CDH18: variants seen among roughly 807,000 people sequenced by gnomAD.
The protein encoded by CDH18 is cadherin-18.
In CDH18, 31 loss-of-function variants were observed where a neutral mutation model predicts 67.9. The ratio of observed to expected loss-of-function variants is 0.46; its 90% CI spans 0.34 to 0.62. The LOEUF (loss-of-function observed/expected upper bound fraction) is 0.62, where lower values mean the gene tolerates loss of function less well. Among genes scored for constraint, CDH18 ranks in the 20% least tolerant of loss-of-function variants. CDH18 has a pLI of 0.01. For missense variants in CDH18, 890 were observed against 975.5 expected, an observed-to-expected ratio of 0.91 and a Z score of 1.17; for synonymous variants, 362 against 347.2, an observed-to-expected ratio of 1.04 and a Z score of -0.48.
intron 2 of CDH18, among the ~76,000 whole-genome samples, chr5:20,100,183 T>C (rs1382810547): frequency 1.3e-5 from 2 of 152,194 alleles, no homozygotes; most frequent in African/African-American, 4.8e-5. Context: ...TATTATTTAG[T>C]ATATCATACA....
intron 1 of CDH18, among the ~76,000 whole-genome samples, chr5:20,553,841 T>A (rs1343510134): frequency 6.6e-6 from 1 of 152,196 alleles, no homozygotes; most frequent in Non-Finnish European, 1.5e-5. Flanking sequence ...ATAGTATCTT[T>A]CTCTAGACCA....
chr5:19,575,307 A>G (rs1014682021), intron 7 of CDH18, among the ~76,000 whole-genome samples: 2 of 152,194 alleles, frequency 1.3e-5, no homozygotes, highest in African/African-American at 4.8e-5. Flanking sequence ...TCATATTCCA[A>G]CATTCACCAT....
chr5:20,573,911 ATATATATAAAAGAAATATATATATATTTC>A lies in CDH18; in HGVS notation c.-580+1522_-580+1550del, dbSNP rs1561144665. On this transcript the variant is annotated intron_variant, in intron 1 of 14. Transcript: ENST00000507958. ...ATAAAAGAAATATATATATGTATTT[ATATATATAAAAGAAATATATATATATTTC>A]TTTTAAGTATTTTATATATATATAC... Among the ~76,000 whole-genome samples the A allele has an allele frequency of 5.5e-3, 243 of 44,474 alleles. 1 individual carries two copies. The highest frequency in any genetic ancestry group is 0.032 in the African/African-American group (234 of 7,338). 29.2% of individuals were successfully genotyped at this position (44,474 alleles called of 152,430 possible).
chr5:20,031,944 T>C (rs1215362210), intron 2 of CDH18, among the ~76,000 whole-genome samples: 2 of 151,938 alleles, frequency 1.3e-5, no homozygotes, highest in Admixed American at 6.6e-5. Flanking sequence ...TCTGTAACAA[T>C]GAACGGTGAC....
At chr5:20,472,455 A>G (rs1474747305) in intron 1 of CDH18, among the ~76,000 whole-genome samples, 2 of 152,184 alleles carry the variant, frequency 1.3e-5, no homozygotes, top group African/African-American at 2.4e-5. Flanking sequence ...CCTGATGTAC[A>G]TAGTGGAGGA....
chr5:20,202,721 T>C (rs1414323873), intron 2 of CDH18, among the ~76,000 whole-genome samples: 2 of 152,102 alleles, frequency 1.3e-5, no homozygotes, highest in African/African-American at 4.8e-5. Context: ...TTACTACTTT[T>C]ATATTTTAGC....
intron 3 of CDH18, among the ~76,000 whole-genome samples, chr5:19,785,682 ATATATAT>A (rs1561296518): frequency 5.5e-3 from 115 of 20,800 alleles, no homozygotes; most frequent in Non-Finnish European, 6.3e-3. Context: ...AAAAAAAAAT[ATATATAT>A]ATATATATAT....
chr5:19,993,853 G>A (rs1398412134), intron 2 of CDH18, among the ~76,000 whole-genome samples: 1 of 152,024 alleles, frequency 6.6e-6, no homozygotes, highest in Non-Finnish European at 1.5e-5. Context: ...TACTGATGAA[G>A]ATATTCGGCT....
At chr5:20,323,401 T>G (rs1738223964) in intron 1 of CDH18, among the ~76,000 whole-genome samples, 1 of 152,184 alleles carries the variant, frequency 6.6e-6, no homozygotes, top group African/African-American at 2.4e-5. Context: ...GCATTTGCCT[T>G]TCAGAGATTA....
chr5:20,162,168 A>T (rs1415310906), intron 2 of CDH18, among the ~76,000 whole-genome samples: 1 of 152,034 alleles, frequency 6.6e-6, no homozygotes, highest in African/African-American at 2.4e-5. Context: ...TTTGTTTTGT[A>T]ATGTCCTCAG....
intron 1 of CDH18, among the ~76,000 whole-genome samples, chr5:20,370,005 T>C (rs1297373887): frequency 6.6e-6 from 1 of 152,148 alleles, no homozygotes; most frequent in East Asian, 1.9e-4. Context: ...TAGCTATTCT[T>C]CCTGATGTTG....
At chr5:19,835,369 G>C (rs901748306) in intron 3 of CDH18, among the ~76,000 whole-genome samples, 2 of 152,108 alleles carry the variant, frequency 1.3e-5, no homozygotes, top group Non-Finnish European at 2.9e-5. Context: ...GGGCCTGTTG[G>C]GGGGTGGGGA....
chr5:20,556,083 T>C (rs183236360), intron 1 of CDH18, among the ~76,000 whole-genome samples: 11 of 152,298 alleles, frequency 7.2e-5, no homozygotes, highest in Admixed American at 7.2e-4. Context: ...TCCTTGTGAT[T>C]TTCTAAATGT....
intron 1 of CDH18, among the ~76,000 whole-genome samples, chr5:20,348,965 A>G (rs1740933961): frequency 6.6e-6 from 1 of 152,180 alleles, no homozygotes; most frequent in Non-Finnish European, 1.5e-5. Flanking sequence ...TATTTTTAAA[A>G]GGTATTTTAT....
chr5:20,429,223 C>A (rs10053137), intron 1 of CDH18, among the ~76,000 whole-genome samples: 33,078 of 151,984 alleles, frequency 0.22, 3,758 homozygotes, highest in East Asian at 0.3. Context: ...GCTACCACTT[C>A]ACAACACTTT....
chr5:20,464,471 T>TTGAG (rs36013135), intron 1 of CDH18, among the ~76,000 whole-genome samples: 118,222 of 151,782 alleles, frequency 0.78, 46,234 homozygotes, highest in Admixed American at 0.86. Flanking sequence ...TTGCCTGTTA[T>TTGAG]TGTTTATCTT....
At chr5:19,629,851 GACA>G (rs1423332484) in intron 5 of CDH18, among the ~76,000 whole-genome samples, 2 of 151,942 alleles carry the variant, frequency 1.3e-5, no homozygotes, top group Non-Finnish European at 2.9e-5. Context: ...TAGAAAAATA[GACA>G]ACATATCACA....
chr5:19,808,277 A>C (rs984476188), intron 3 of CDH18, among the ~76,000 whole-genome samples: 2 of 151,658 alleles, frequency 1.3e-5, no homozygotes, highest in East Asian at 3.9e-4. Flanking sequence ...AATGCCTATA[A>C]TTTTCTTTAC....
At chr5:19,892,059 G>A (rs1788831985) in intron 2 of CDH18, among the ~76,000 whole-genome samples, 1 of 152,078 alleles carries the variant, frequency 6.6e-6, no homozygotes, top group Non-Finnish European at 1.5e-5. Context: ...ATGTGCAATT[G>A]GGTAGGTGTC....
Sources: gnomAD v4.1 joint callset for allele counts (sites outside exome capture counted in the v4.1 genomes callset) on GRCh38, gnomAD v4.1.1 for gene constraint, MANE v1.5 for transcripts, NCBI Gene and HGNC (gene_info 2026-07-23, HGNC 2026-07-21) for gene names.